The following RMDN1 variants were observed in gnomAD, a reference collection of about 807,000 sequenced individuals.
The protein encoded by RMDN1 is regulator of microtubule dynamics protein 1.
RMDN1 carries 48 observed loss-of-function variants against 48.9 expected under a neutral mutation model. That is an observed-to-expected ratio of 0.98 (90% CI 0.78 to 1.25). The LOEUF is 1.25. Ranked by LOEUF, RMDN1 falls within the 50% of genes most tolerant of loss-of-function variation. RMDN1 has a pLI of 0.00. For missense variants in RMDN1, 418 were observed against 373.4 expected (o/e 1.12, Z -0.98); for synonymous variants, 148 against 132.6 (o/e 1.12, Z -0.80).
At chr8:86,495,359 C>T (rs1222579125) in intron 2 of RMDN1, among the ~76,000 whole-genome samples, 2 of 152,080 alleles carry the variant, frequency 1.3e-5, no homozygotes. Flanking sequence ...CCCTCCAAGA[C>T]ATTTGAAATG....
Position 86,472,538 on chromosome 8 carries a change from G to A in RMDN1, c.*1770C>T, listed in dbSNP as rs1318242567. The stretch of plus-strand genomic sequence containing the variant: ...TTTAAAATACAGCATCATTAAGTGG[G>A]AAACTGAAAGCCTGCCATTGTTGTT... On this transcript the variant is annotated 3_prime_UTR_variant, in exon 10 of 10. Coordinates refer to ENST00000406452, the MANE Select transcript of RMDN1 (RefSeq NM_016033.3). The A allele has an allele frequency of 1.4e-6, 1 of 695,774 alleles. No individual in the cohort carries two copies. The allele number at this position is 695,774 out of a possible 1,614,324, so 43.1% of individuals were successfully genotyped here. A position where few individuals can be genotyped will look rare whatever the true frequency, so the allele number is the denominator to read the frequency against.
At chr8:86,509,893 G>A (rs1819956090), upstream of RMDN1, among the ~76,000 whole-genome samples, 1 of 152,008 alleles carries the variant, frequency 6.6e-6, no homozygotes, top group Non-Finnish European at 1.5e-5. Flanking sequence ...TTTTCCCAAA[G>A]ACAGAATCAC....
In RMDN1 at chr8:86,484,981, TAAG is replaced by T; in HGVS notation, c.496-23_496-21del. The T allele has an allele frequency of 7.5e-7, 1 of 1,332,524 alleles. No homozygotes were observed. Among genetic ancestry groups the T allele is most frequent in the Non-Finnish European group, 1.1e-6 (1 of 939,060 alleles). The allele number at this position is 1,332,524 out of a possible 1,614,324, so 82.5% of individuals were successfully genotyped here. A position where few individuals can be genotyped will look rare whatever the true frequency, so the allele number is the denominator to read the frequency against. On this transcript the variant is annotated intron_variant, in intron 4 of 9. Transcript: ENST00000406452. ...ATACCACTGAAAATTTAAAAAAGTG[TAAG>T]AACAATAATATTCTTAATATTCCAT...
intron 2 of RMDN1, among the ~76,000 whole-genome samples, chr8:86,503,374 A>AAAAAAAC (rs1818653362): frequency 9.1e-5 from 7 of 77,288 alleles, no homozygotes; most frequent in Admixed American, 4.5e-4. Context: ...AACAAAACAA[A>AAAAAAAC]AAAAAAAAAA....
intron 5 of RMDN1, among the ~76,000 whole-genome samples, chr8:86,483,657 G>T (rs1371290854): frequency 6.6e-6 from 1 of 152,110 alleles, no homozygotes; most frequent in Non-Finnish European, 1.5e-5. Context: ...TGGACTCCCA[G>T]TCATTCTTTT....
At chr8:86,493,914 A>G (rs1388583204) in intron 2 of RMDN1, among the ~76,000 whole-genome samples, 2 of 152,150 alleles carry the variant, frequency 1.3e-5, no homozygotes, top group East Asian at 3.9e-4. Flanking sequence ...AACAATCCAA[A>G]ATCGGAAACA....
intron 3 of RMDN1, 21 bp from the exon 4 acceptor site, chr8:86,486,664 A>G (rs754420209): frequency 8.2e-6 from 13 of 1,578,740 alleles, no homozygotes; most frequent in Non-Finnish European, 6.0e-6. Context: ...ATAAAATATA[A>G]AACAACCATT....
At chr8:86,508,723 C>T (rs921121907), upstream of RMDN1, 17 of 1,412,576 alleles carry the variant, frequency 1.2e-5, no homozygotes, top group Non-Finnish European at 1.6e-5. Flanking sequence ...CGCCCGCCCG[C>T]CTCCTGCACA....
chr8:86,507,034 C>T lies in RMDN1; in HGVS notation c.208G>A (p.Val70Ile), dbSNP rs1819484527. 1.2e-6 allele frequency: 2 copies of T among 1,612,566 alleles called. No individual in the cohort carries two copies. The highest frequency in any genetic ancestry group is 1.3e-5 in the African/African-American group (1 of 75,010). The part of the protein sequence containing the change: ...LSYLGFETYQ[V>I]ISQAAVVHAT... ...TGAACCACAGCAGCCTGAGAGATAA[C>T]CTGGTAAGTTTCAAAACCCAAATAC... Residue 70 changes from valine (V) to isoleucine (I), a missense_variant, in exon 2 of 10, where the codon GTT becomes ATT. Physicochemically the swap from Val to Ile is conservative, Grantham distance 29. Coordinates refer to ENST00000406452, the MANE Select transcript of RMDN1 (RefSeq NM_016033.3).
intron 2 of RMDN1, among the ~76,000 whole-genome samples, chr8:86,502,192 A>G (rs1478328352): frequency 6.6e-6 from 1 of 152,224 alleles, no homozygotes; most frequent in African/African-American, 2.4e-5. Flanking sequence ...GCTCTAATAT[A>G]CAGAAATTTT....
At chr8:86,509,720 A>G (rs73265765), upstream of RMDN1, among the ~76,000 whole-genome samples, 12,002 of 152,262 alleles carry the variant, frequency 0.079, 1,572 homozygotes, top group African/African-American at 0.27. Context: ...GTTAGAAGAC[A>G]GGAATCCATG....
intron 2 of RMDN1, among the ~76,000 whole-genome samples, chr8:86,492,540 CTACTTGAGACACTGA>C (rs1816681536): frequency 6.6e-6 from 1 of 151,910 alleles, no homozygotes; most frequent in Admixed American, 6.6e-5. Flanking sequence ...ATGATCCCAG[CTACTTGAGACACTGA>C]TGCAGGGAAA....
chr8:86,479,822 T>G (rs1015095111), intron 6 of RMDN1, among the ~76,000 whole-genome samples: 3 of 152,110 alleles, frequency 2.0e-5, no homozygotes, highest in African/African-American at 7.2e-5. Context: ...CGTAACACTT[T>G]GATAAAGCCT....
intron 4 of RMDN1, 96 bp from the exon 5 acceptor site, chr8:86,485,057 C>T (rs1355230313): frequency 1.8e-5 from 12 of 658,004 alleles, no homozygotes; most frequent in Non-Finnish European, 2.2e-5. Context: ...TCATTCTCAT[C>T]CAACAAAAAG....
rs750682561 is a variant in RMDN1, at chr8:86,474,368, A to G, written c.895-10T>C. Reference sequence around the variant, plus strand: ...CAGCTTCTGTCTGTATCTAAAATGGAAAAATACATGTTATAAGTAAACAGG... The same window carrying G: ...CAGCTTCTGTCTGTATCTAAAATGGGAAAATACATGTTATAAGTAAACAGG... On this transcript the variant is annotated splice_polypyrimidine_tract_variant and intron_variant, in intron 9 of 9. Transcript: ENST00000406452. The G allele has an allele frequency of 8.2e-6, 13 of 1,589,266 alleles. No homozygotes were observed. The African/African-American group carries it at 1.7e-4, about 21-fold the overall frequency.
chr8:86,471,587 AAC>A (rs1812574044), downstream of RMDN1, among the ~76,000 whole-genome samples: 1 of 152,208 alleles, frequency 6.6e-6, no homozygotes, highest in East Asian at 1.9e-4. Flanking sequence ...GAAAAAGACA[AAC>A]ACATATCAGA....
rs577070257 is a variant in RMDN1, at chr8:86,474,653, A to G, written c.894+167T>C. ...TCCACCTGGTGATAGTAACTAAATTATTTCCTATATAGAAATATAAATGTC... is the reference window on the plus strand; with the variant it reads ...TCCACCTGGTGATAGTAACTAAATTGTTTCCTATATAGAAATATAAATGTC... On this transcript the variant is annotated intron_variant, in intron 9 of 9. Coordinates refer to ENST00000406452, the MANE Select transcript of RMDN1 (RefSeq NM_016033.3). The G allele has an allele frequency of 5.1e-6, 4 of 787,080 alleles. No homozygotes were observed. In the South Asian group the frequency reaches 5.8e-5, roughly 11 times the overall value. 48.8% of individuals were successfully genotyped at this position (787,080 alleles called of 1,614,324 possible).
intron 5 of RMDN1, among the ~76,000 whole-genome samples, chr8:86,484,172 C>T (rs1021552468): frequency 2.6e-5 from 4 of 152,140 alleles, no homozygotes; most frequent in Admixed American, 1.3e-4. Context: ...CTTGCTAGAA[C>T]TTTGTACATT....
upstream of RMDN1, among the ~76,000 whole-genome samples, chr8:86,509,621 C>T (rs1819935631): frequency 6.6e-6 from 1 of 152,132 alleles, no homozygotes; most frequent in African/African-American, 2.4e-5. Context: ...TATTGATCTT[C>T]CGAACTACCT....
Sources: allele counts gnomAD v4.1 joint callset (sites outside exome capture counted in the v4.1 genomes callset), GRCh38; gene constraint gnomAD v4.1.1; transcripts MANE v1.5; gene names NCBI Gene and HGNC (gene_info 2026-07-23, HGNC 2026-07-21).